CHRM3: variants seen among roughly 807,000 people sequenced by gnomAD.
CHRM3 encodes cholinergic receptor muscarinic 3.
A neutral mutation model predicts 41.8 loss-of-function variants in CHRM3; 11 were observed. The ratio of observed to expected loss-of-function variants is 0.26; its 90% CI spans 0.17 to 0.44. The LOEUF is 0.44. CHRM3 is among the 20% of genes least tolerant of loss of function. The pLI, the probability that CHRM3 is intolerant of heterozygous loss-of-function variation, is 1.00. For synonymous variants in CHRM3, 297 were observed against 301.4 expected, an observed-to-expected ratio of 0.99 and a Z score of 0.15; for missense variants, 571 against 745.4, an observed-to-expected ratio of 0.77 and a Z score of 2.72.
At chr1:239,730,926 G>A (rs998241378) in intron 5 of CHRM3, among the ~76,000 whole-genome samples, 1 of 152,036 alleles carries the variant, frequency 6.6e-6, no homozygotes, top group East Asian at 1.9e-4. Context: ...TAACATCAGG[G>A]AGGAAAATGA....
chr1:239,835,755 G>A (rs954781953), intron 6 of CHRM3, among the ~76,000 whole-genome samples: 6 of 152,206 alleles, frequency 3.9e-5, no homozygotes, highest in African/African-American at 1.2e-4. Context: ...GTGTATGTGT[G>A]TGCACTGGGT....
At chr1:239,888,442 G>A (rs1473779045) in intron 6 of CHRM3, among the ~76,000 whole-genome samples, 1 of 150,482 alleles carries the variant, frequency 6.6e-6, no homozygotes, top group African/African-American at 2.4e-5. Context: ...ACATTTTTAT[G>A]GTTAGCCAGG....
At chr1:239,754,796 G>A (rs1463462124) in intron 5 of CHRM3, among the ~76,000 whole-genome samples, 2 of 152,098 alleles carry the variant, frequency 1.3e-5, no homozygotes, top group Non-Finnish European at 2.9e-5. Context: ...CCAACAGCAA[G>A]GAAGAAAAAA....
At chr1:239,500,294 G>A (rs190605787) in intron 2 of CHRM3, among the ~76,000 whole-genome samples, 9 of 152,184 alleles carry the variant, frequency 5.9e-5, no homozygotes, top group Admixed American at 5.9e-4. Flanking sequence ...GACATAAAAA[G>A]GATGAGTTCA....
chr1:239,822,330 T>C (rs1175863977), intron 5 of CHRM3, among the ~76,000 whole-genome samples: 1 of 152,168 alleles, frequency 6.6e-6, no homozygotes, highest in East Asian at 1.9e-4. Context: ...TTGGGTTGTG[T>C]TTCTAAAACA....
chr1:239,583,077 A>G (rs906652284), intron 3 of CHRM3, among the ~76,000 whole-genome samples: 1 of 152,152 alleles, frequency 6.6e-6, no homozygotes, highest in Admixed American at 6.5e-5. Context: ...AGCTTTCCTC[A>G]CCATGGACCA....
chr1:239,881,747 A>G (rs999842333), intron 6 of CHRM3, among the ~76,000 whole-genome samples: 1 of 152,128 alleles, frequency 6.6e-6, no homozygotes, highest in African/African-American at 2.4e-5. Context: ...CAAAGCCCCC[A>G]GCCCCTTTAA....
intron 5 of CHRM3, among the ~76,000 whole-genome samples, chr1:239,769,089 A>G (rs1667455073): frequency 6.6e-6 from 1 of 151,808 alleles, no homozygotes; most frequent in Non-Finnish European, 1.5e-5. Flanking sequence ...TTTCTTCAGA[A>G]TATGTTCTGC....
chr1:239,423,036 T>C (rs1318205779), intron 1 of CHRM3, among the ~76,000 whole-genome samples: 1 of 152,150 alleles, frequency 6.6e-6, no homozygotes, highest in African/African-American at 2.4e-5. Flanking sequence ...TCATGAAATT[T>C]CTTTGATCTT....
chr1:239,595,753 G>T (rs1016220736), intron 3 of CHRM3, among the ~76,000 whole-genome samples: 8 of 152,128 alleles, frequency 5.3e-5, no homozygotes, highest in Admixed American at 5.2e-4. Context: ...ATTTGCTCCA[G>T]TGTTGGTGAA....
intron 5 of CHRM3, among the ~76,000 whole-genome samples, chr1:239,719,365 G>A (rs1558484081): frequency 6.6e-6 from 1 of 151,920 alleles, no homozygotes; most frequent in Non-Finnish European, 1.5e-5. Flanking sequence ...AACCAATATA[G>A]CACCCTATAA....
intron 5 of CHRM3, among the ~76,000 whole-genome samples, chr1:239,683,438 G>A (rs573593441): frequency 1.3e-5 from 2 of 152,304 alleles, no homozygotes; most frequent in African/African-American, 2.4e-5. Flanking sequence ...CAAAGTCAAA[G>A]GGCCAAAATA....
intron 2 of CHRM3, among the ~76,000 whole-genome samples, chr1:239,540,934 T>A (rs1171796105): frequency 6.6e-6 from 1 of 152,190 alleles, no homozygotes; most frequent in Non-Finnish European, 1.5e-5. Flanking sequence ...CAATAAATGC[T>A]ATGTTAAAAG....
intron 4 of CHRM3, among the ~76,000 whole-genome samples, chr1:239,675,771 A>C (rs1657940148): frequency 6.6e-6 from 1 of 152,134 alleles, no homozygotes; most frequent in South Asian, 2.1e-4. Flanking sequence ...CTGCCAAAAG[A>C]TTTTCTAGTC....
rs187456507 is a variant in CHRM3 at position 239,491,597 on chromosome 1, T to A, written c.-520-1112T>A. On this transcript the variant is annotated intron_variant, in intron 1 of 6. Coordinates refer to ENST00000676153, the MANE Select transcript of CHRM3 (RefSeq NM_001375978.1). ...AGCCCTTCACGCACTGTTAGACAATTACGTGGATTCTATGTCTTGGCTATT... is the reference window on the plus strand; with the variant it reads ...AGCCCTTCACGCACTGTTAGACAATAACGTGGATTCTATGTCTTGGCTATT... Among the ~76,000 whole-genome samples, 8 of 152,342 alleles carry A rather than the reference T, an allele frequency of 5.3e-5. No individual in the cohort carries two copies. In the East Asian group the frequency reaches 1.5e-3, roughly 29 times the overall value.
At position 239,492,403 on chromosome 1, in the gene CHRM3, G is replaced by A. The variant is rs908012162; in HGVS notation, c.-520-306G>A. 2.6e-5 allele frequency among the ~76,000 whole-genome samples: 4 copies of A among 152,152 alleles called. No individual in the cohort carries two copies. In the South Asian group the frequency reaches 8.3e-4, roughly 32 times the overall value. On this transcript the variant is annotated intron_variant, in intron 1 of 6. Transcript: ENST00000676153. ...ATACCTATGCTTCATTGCTCGCAGA[G>A]AGCCTTCATGGCAAAGGAAACATTT...
rs747776674 is a variant in CHRM3, at chr1:239,908,520, A to G, written c.1069A>G (p.Ile357Val). The G allele has an allele frequency of 6.3e-7, 1 of 1,594,322 alleles. No individual in the cohort carries two copies. Among genetic ancestry groups the G allele is most frequent in the Non-Finnish European group, 8.5e-7 (1 of 1,170,298 alleles). ...ENSASSDEED[I>V]GSETRAIYSI... ...CTCCGCCTCCTCCGACGAGGAGGAC[A>G]TTGGCTCCGAGACGAGAGCCATCTA... The change falls in exon 7 of 7, where the codon ATT becomes GTT. Residue 357 changes from isoleucine to valine, a missense_variant. Coordinates refer to ENST00000676153, the MANE Select transcript of CHRM3 (RefSeq NM_001375978.1). This position sits in a 1 kb window ranked among gnomAD's most constrained non-coding sequence, Gnocchi z 7.2.
At position 239,706,623 on chromosome 1, in the gene CHRM3, C is replaced by CAT. The variant is rs749087854; in HGVS notation, c.-147+28336_-147+28337insTA. 299 of 152,802 alleles carry CAT rather than the reference C, an allele frequency of 2.0e-3. 2 individuals are homozygous for CAT. Among genetic ancestry groups the CAT allele is most frequent in the Middle Eastern group, 6.8e-3 (2 of 294 alleles). 9.5% of individuals were successfully genotyped at this position (152,802 alleles called of 1,614,324 possible). On this transcript the variant is annotated intron_variant, in intron 5 of 6. Coordinates refer to ENST00000676153, the MANE Select transcript of CHRM3 (RefSeq NM_001375978.1). ...CCCCACACATGTGTCCATGTACACA[C>CAT]ACACACACACACACACACACACAGA...
At chr1:239,589,833 C>T (rs1663909655) in intron 3 of CHRM3, among the ~76,000 whole-genome samples, 1 of 151,330 alleles carries the variant, frequency 6.6e-6, no homozygotes, top group South Asian at 2.1e-4. Flanking sequence ...TATATATACA[C>T]ATATGTCTGA....
Sources: allele counts gnomAD v4.1 joint callset (sites outside exome capture counted in the v4.1 genomes callset), GRCh38; gene constraint gnomAD v4.1.1; non-coding constraint Gnocchi (gnomAD v3.1); transcripts MANE v1.5; gene names NCBI Gene and HGNC (gene_info 2026-07-23, HGNC 2026-07-21).